Variants in FAM185A observed in about 807,000 individuals in gnomAD.
FAM185A encodes family with sequence similarity 185 member A.
A neutral mutation model predicts 45.7 loss-of-function variants in FAM185A; 21 were observed. The ratio of observed to expected loss-of-function variants is 0.46; its 90% CI spans 0.33 to 0.66. FAM185A has a LOEUF of 0.66. FAM185A is among the 30% of genes least tolerant of loss of function. FAM185A has a pLI of 0.03. For missense variants in FAM185A, 305 were observed against 485.4 expected (o/e 0.63, Z 3.49); for synonymous variants, 117 against 194.0 (o/e 0.60, Z 3.30).
intron 5 of FAM185A, among the ~76,000 whole-genome samples, chr7:102,776,349 C>T (rs1795058914): frequency 6.6e-6 from 1 of 151,908 alleles, no homozygotes; most frequent in Non-Finnish European, 1.5e-5. Context: ...TTAGCACTAA[C>T]TCTTCAAGTT....
Position 102,778,070 on chromosome 7 carries a change from T to A in FAM185A, c.931+722T>A, listed in dbSNP as rs905619782. On this transcript the variant is annotated intron_variant, in intron 6 of 7. Transcript: ENST00000413034. ...AGAACTGTAGCTCTGTATAAAAAAA[T>A]TTTTTTAAATAGTCTAGCAGCTCTT... Among the ~76,000 whole-genome samples, 22 of 146,654 alleles carry A rather than the reference T, an allele frequency of 1.5e-4. No homozygotes were observed. The East Asian group carries it at 2.8e-3, about 18-fold the overall frequency.
chr7:102,753,834 TAGAA>T (rs1302422926), intron 2 of FAM185A, among the ~76,000 whole-genome samples: 2 of 152,198 alleles, frequency 1.3e-5, no homozygotes, highest in African/African-American at 4.8e-5. Flanking sequence ...AATTACAGGA[TAGAA>T]AGAGTTTTGT....
the FAM185A span, among the ~76,000 whole-genome samples, chr7:102,817,296 A>G: frequency 6.6e-6 from 1 of 152,102 alleles, no homozygotes; most frequent in Admixed American, 6.6e-5. Flanking sequence ...AATAATAGCC[A>G]TTCTGATTGG....
At chr7:102,757,398 T>C (rs1414222101) in intron 2 of FAM185A, among the ~76,000 whole-genome samples, 1 of 152,246 alleles carries the variant, frequency 6.6e-6, no homozygotes, top group African/African-American at 2.4e-5. Context: ...ATGTAATACT[T>C]ATCTCTCTGG....
chr7:102,772,632 G>T (rs1334434385), intron 5 of FAM185A, among the ~76,000 whole-genome samples, 182 bp downstream of exon 5: 1 of 151,422 alleles, frequency 6.6e-6, no homozygotes, highest in Non-Finnish European at 1.5e-5. Context: ...GCCTGAGCTG[G>T]TATTAAGAAA....
At position 102,757,741 on chromosome 7, in the gene FAM185A, T is replaced by G. The variant is rs993276162; in HGVS notation, c.562-113T>G. ...CAGTGAGTTTCTATTTCATTCCTTA[T>G]TGTTCTTTTGTTGCTTTGTCAGTAT... On this transcript the variant is annotated intron_variant, in intron 2 of 7. Transcript: ENST00000413034. 23 of 1,298,528 alleles carry G rather than the reference T, an allele frequency of 1.8e-5. No homozygotes were observed. In the Admixed American group the frequency reaches 2.5e-4, roughly 14 times the overall value. The allele number at this position is 1,298,528 out of a possible 1,614,324, so 80.4% of individuals were successfully genotyped here.
At chr7:102,820,874 A>G in the FAM185A span, among the ~76,000 whole-genome samples, 1 of 152,352 alleles carries the variant, frequency 6.6e-6, no homozygotes, top group Non-Finnish European at 1.5e-5. Flanking sequence ...GTTGCATTGA[A>G]GATTAATTTT....
At chr7:102,826,099 T>C in the FAM185A span, among the ~76,000 whole-genome samples, 1 of 152,206 alleles carries the variant, frequency 6.6e-6, no homozygotes, top group Admixed American at 6.5e-5. Flanking sequence ...ACTGTTGGCT[T>C]TCAGTTTGCT....
chr7:102,822,153 G>GTGCAGGTAATGGCATTT, the FAM185A span: 1 of 1,614,164 alleles, frequency 6.2e-7, no homozygotes, highest in Non-Finnish European at 8.5e-7. Flanking sequence ...TATCCAAAAT[G>GTGCAGGTAATGGCATTT]TGCAGGTAAT....
chr7:102,831,394 GACACACACACAC>G, the FAM185A span, among the ~76,000 whole-genome samples: 37 of 141,566 alleles, frequency 2.6e-4, no homozygotes, highest in Non-Finnish European at 3.5e-4. Context: ...CAGTGCCCGG[GACACACACACAC>G]ACACACACAC....
chr7:102,767,176 G>A (rs1306219764), intron 4 of FAM185A, among the ~76,000 whole-genome samples: 1 of 146,674 alleles, frequency 6.8e-6, no homozygotes, highest in African/African-American at 2.6e-5. Context: ...GGTTTTTCAG[G>A]GTTTAGACCT....
chr7:102,824,297 T>A, the FAM185A span, among the ~76,000 whole-genome samples: 1 of 152,196 alleles, frequency 6.6e-6, no homozygotes, highest in Non-Finnish European at 1.5e-5. Flanking sequence ...TATTTTTAAA[T>A]GAAATTATTT....
At chr7:102,802,766 G>T (rs936614006) in intron 7 of FAM185A, among the ~76,000 whole-genome samples, 1 of 151,950 alleles carries the variant, frequency 6.6e-6, no homozygotes, top group Non-Finnish European at 1.5e-5. Context: ...CAAAATGCTG[G>T]TTCCTTGAAA....
chr7:102,833,943 C>T, the FAM185A span, among the ~76,000 whole-genome samples: 6 of 149,556 alleles, frequency 4.0e-5, no homozygotes, highest in African/African-American at 1.5e-4. Context: ...AGCAGTTATA[C>T]AAGAACAAAA....
At chr7:102,846,075 G>GA in the FAM185A span, among the ~76,000 whole-genome samples, 1 of 152,088 alleles carries the variant, frequency 6.6e-6, no homozygotes, top group African/African-American at 2.4e-5. Flanking sequence ...TTAATACATG[G>GA]AAAATACAAC....
chr7:102,806,495 T>C (rs1797120443), intron 7 of FAM185A, among the ~76,000 whole-genome samples: 1 of 152,224 alleles, frequency 6.6e-6, no homozygotes, highest in Non-Finnish European at 1.5e-5. Context: ...GCTCATTTGC[T>C]TTTTAAGGCT....
intron 6 of FAM185A, among the ~76,000 whole-genome samples, chr7:102,783,135 C>A (rs1332375462): frequency 6.6e-6 from 1 of 151,380 alleles, no homozygotes; most frequent in Admixed American, 6.6e-5. Flanking sequence ...TACAGGAGCA[C>A]CCAGATTCAT....
chr7:102,810,959 T>C (rs146733902), downstream of FAM185A, among the ~76,000 whole-genome samples: 34 of 152,326 alleles, frequency 2.2e-4, no homozygotes, highest in Non-Finnish European at 4.1e-4. Context: ...GTCAGCTTTG[T>C]AGGATATCTC....
chr7:102,838,168 C>T, the FAM185A span, among the ~76,000 whole-genome samples: 2 of 152,176 alleles, frequency 1.3e-5, no homozygotes, highest in Admixed American at 6.5e-5. Flanking sequence ...TCAAATCCTT[C>T]CATGAGATGT....
Sources: allele counts gnomAD v4.1 joint callset (sites outside exome capture counted in the v4.1 genomes callset), GRCh38; gene constraint gnomAD v4.1.1; transcripts MANE v1.5; gene names NCBI Gene and HGNC (gene_info 2026-07-23, HGNC 2026-07-21).